FAXC: variants seen among roughly 807,000 people sequenced by gnomAD.
FAXC encodes the protein failed axon connections homolog, metaxin like GST domain containing, also known as failed axon connections homolog.
A neutral mutation model predicts 41.9 loss-of-function variants in FAXC; 10 were observed. That is an observed-to-expected ratio of 0.24 (90% confidence interval 0.15 to 0.41). FAXC has a LOEUF of 0.41. FAXC is among the 10% of genes least tolerant of loss of function. The pLI is 1.00. For missense variants in FAXC, 399 were observed against 510.9 expected (o/e 0.78, Z 2.11); for synonymous variants, 183 against 183.8 (o/e 1.00, Z 0.03).
intron 5 of FAXC, among the ~76,000 whole-genome samples, chr6:99,290,411 A>G (rs1328538824): frequency 6.6e-6 from 1 of 152,054 alleles, no homozygotes; most frequent in Non-Finnish European, 1.5e-5. Context: ...CATAAATAAT[A>G]CTTTGGGCGG....
chr6:99,349,343 G>A lies in FAXC; in HGVS notation c.30C>T (p.Ser10=), dbSNP rs1319764274. The change falls in exon 1 of 6, where the codon TCC becomes TCT. Residue 10 remains serine, a synonymous_variant. Transcript: ENST00000389677. MHWGVGFAS[S]RPCVVDLSWN... is the part of the protein sequence containing the mutation. ...AGCTCAGATCCACCACGCACGGCCTGGACGAAGCAAAGCCAACCCCCCAGT... is the reference window on the plus strand; with the variant it reads ...AGCTCAGATCCACCACGCACGGCCTAGACGAAGCAAAGCCAACCCCCCAGT... The A allele has an allele frequency of 6.8e-6, 11 of 1,612,560 alleles. No homozygotes were observed. The highest frequency in any genetic ancestry group is 1.3e-5 in the African/African-American group (1 of 75,030).
intron 4 of FAXC, among the ~76,000 whole-genome samples, chr6:99,321,579 C>T (rs1029478563): frequency 2.6e-5 from 4 of 152,236 alleles, no homozygotes; most frequent in African/African-American, 9.6e-5. Flanking sequence ...CGCCAGCTAA[C>T]TCCAACTTTT....
intron 4 of FAXC, among the ~76,000 whole-genome samples, chr6:99,294,866 T>C (rs564313785): frequency 1.3e-5 from 2 of 152,248 alleles, no homozygotes; most frequent in Admixed American, 6.5e-5. Context: ...ATAGCGCATA[T>C]AATGTCTGGC....
At position 99,273,818 on chromosome 6, in the gene FAXC, A is replaced by G. The variant is rs374931460; in HGVS notation, c.*7346T>C. ...CAGAAAATATACTTTTAAAATGTCT[A>G]TGTTTGCTATGGTTTTTAATGTTTA... is the stretch of plus-strand genomic sequence containing the variant. On this transcript the variant is annotated 3_prime_UTR_variant, in exon 6 of 6. Coordinates refer to ENST00000389677, the MANE Select transcript of FAXC (RefSeq NM_032511.4). 3.3e-5 allele frequency: 5 copies of G among 152,056 alleles called. No individual in the cohort carries two copies. Among genetic ancestry groups the G allele is most frequent in the African/African-American group, 9.7e-5 (4 of 41,392 alleles). 9.4% of individuals were successfully genotyped at this position (152,056 alleles called of 1,614,324 possible). A position where few individuals can be genotyped will look rare whatever the true frequency, so the allele number is the denominator to read the frequency against.
At chr6:99,321,989 T>C (rs1015691944) in intron 4 of FAXC, among the ~76,000 whole-genome samples, 3 of 152,182 alleles carry the variant, frequency 2.0e-5, no homozygotes, top group African/African-American at 7.2e-5. Flanking sequence ...TAGCCATTGT[T>C]AAGGAGAAAT....
intron 1 of FAXC, among the ~76,000 whole-genome samples, chr6:99,347,122 C>G (rs1773625276): frequency 6.6e-6 from 1 of 151,990 alleles, no homozygotes; most frequent in Non-Finnish European, 1.5e-5. Flanking sequence ...AAAAAATTAG[C>G]CAAGTGCAAT....
At chr6:99,317,174 C>G (rs1772390958) in intron 4 of FAXC, among the ~76,000 whole-genome samples, 1 of 77,096 alleles carries the variant, frequency 1.3e-5, no homozygotes, top group African/African-American at 6.1e-5. Flanking sequence ...TGCTGGAAAT[C>G]AGATTTTTTT....
chr6:99,300,186 C>T (rs1236341496), intron 4 of FAXC, among the ~76,000 whole-genome samples: 1 of 152,104 alleles, frequency 6.6e-6, no homozygotes, highest in Non-Finnish European at 1.5e-5. Context: ...GACATAAATC[C>T]CCGACTCTAA....
chr6:99,340,666 CTTTTTTTTTTT>C (rs61071426), intron 2 of FAXC, among the ~76,000 whole-genome samples: 2 of 96,952 alleles, frequency 2.1e-5, no homozygotes, highest in Non-Finnish European at 3.9e-5. Context: ...GCTAAAATTC[CTTTTTTTTTTT>C]TTTTTTTTTT....
Position 99,349,239 on chromosome 6 carries a change from A to C in FAXC, c.134T>G (p.Phe45Cys). Reference protein sequence around the residue: ...PFSFYGDIIAFPLQDYGGIMA... With the variant: ...PFSFYGDIIACPLQDYGGIMA... ...GATCCCACCGTAATCCTGCAAAGGG[A>C]AAGCGATGATGTCCCCATAAAAGGA... The change falls in exon 1 of 6, where the codon TTC becomes TGC. Residue 45 changes from phenylalanine (F) to cysteine (C), a missense_variant. Around this residue, in one of 3 missense-constraint regions of FAXC, gnomAD observed 68 missense variants for 63.4 expected, o/e 1.07. Transcript: ENST00000389677. 6.2e-7 allele frequency: 1 copy of C among 1,613,914 alleles called. No homozygotes were observed. The highest frequency in any genetic ancestry group is 8.5e-7 in the Non-Finnish European group (1 of 1,180,018).
intron 4 of FAXC, among the ~76,000 whole-genome samples, chr6:99,294,814 A>G (rs1771417333): frequency 6.6e-6 from 1 of 152,072 alleles, no homozygotes; most frequent in African/African-American, 2.4e-5. Context: ...CTTTGACAAA[A>G]AGAAAAAATG....
In FAXC at chr6:99,275,727, GA is replaced by G. The variant is rs1770580416; in HGVS notation, c.*5436del. ...CAGCAGTCTCATCTCAAAGATTAAG[GA>G]AACTTAAATATCCTTAAGATATTCT... On this transcript the variant is annotated 3_prime_UTR_variant, in exon 6 of 6. Coordinates refer to ENST00000389677, the MANE Select transcript of FAXC (RefSeq NM_032511.4). The G allele has an allele frequency of 6.6e-6, 1 of 152,070 alleles. No homozygotes were observed. The highest frequency in any genetic ancestry group is 2.4e-5 in the African/African-American group (1 of 41,396). 9.4% of individuals were successfully genotyped at this position (152,070 alleles called of 1,614,324 possible). A position where few individuals can be genotyped will look rare whatever the true frequency, so the allele number is the denominator to read the frequency against.
At chr6:99,290,137 A>ACACACC (rs397885701) in intron 5 of FAXC, among the ~76,000 whole-genome samples, 3 of 150,094 alleles carry the variant, frequency 2.0e-5, no homozygotes, top group Admixed American at 1.3e-4. Context: ...ACACACACAC[A>ACACACC]TACACACACC....
intron 1 of FAXC, among the ~76,000 whole-genome samples, chr6:99,344,754 C>T (rs550755299): frequency 1.3e-5 from 2 of 152,254 alleles, no homozygotes; most frequent in Admixed American, 6.5e-5. Context: ...TTTGTCCAGT[C>T]AAATAATTCC....
At chr6:99,319,216 T>A (rs1460739460) in intron 4 of FAXC, among the ~76,000 whole-genome samples, 2 of 151,852 alleles carry the variant, frequency 1.3e-5, no homozygotes, top group African/African-American at 4.8e-5. Context: ...GCTAACACGG[T>A]GAAACCCCGT....
chr6:99,338,447 G>C (rs964823634), intron 2 of FAXC, among the ~76,000 whole-genome samples: 5 of 152,158 alleles, frequency 3.3e-5, no homozygotes, highest in African/African-American at 1.2e-4. Flanking sequence ...ACGGCTTGAA[G>C]GGCAGAAAGG....
At chr6:99,285,999 T>G (rs995446052) in intron 5 of FAXC, among the ~76,000 whole-genome samples, 1 of 152,188 alleles carries the variant, frequency 6.6e-6, no homozygotes, top group Non-Finnish European at 1.5e-5. Flanking sequence ...GAGAGAAGCA[T>G]GCCAATGTCT....
At chr6:99,346,512 G>A (rs1418977275) in intron 1 of FAXC, among the ~76,000 whole-genome samples, 8 of 152,030 alleles carry the variant, frequency 5.3e-5, no homozygotes, top group South Asian at 2.1e-4. Context: ...TCAGCTCCCC[G>A]AGTAGCTATA....
intron 5 of FAXC, 113 bp from the exon 6 acceptor site, chr6:99,281,566 G>C: frequency 1.2e-6 from 1 of 842,338 alleles, no homozygotes; most frequent in Non-Finnish European, 1.9e-6. Flanking sequence ...CCAATGTGAT[G>C]GTCTAAGGAG....
Sources: gnomAD v4.1 joint callset for allele counts (sites outside exome capture counted in the v4.1 genomes callset) on GRCh38, gnomAD v4.1.1 for gene constraint, gnomAD v4.1.1 regional missense constraint, MANE v1.5 for transcripts, NCBI Gene and HGNC (gene_info 2026-07-23, HGNC 2026-07-21) for gene names.